EHMT2: variants seen among roughly 807,000 people sequenced by gnomAD.
The protein encoded by EHMT2 is euchromatic histone lysine methyltransferase 2.
Under a neutral mutation model 143.3 loss-of-function variants are expected in EHMT2, and 59 were observed. The ratio of observed to expected loss-of-function variants is 0.41; its 90% CI spans 0.33 to 0.51. The LOEUF is 0.51. Among genes scored for constraint, EHMT2 ranks in the 20% least tolerant of loss-of-function variants. The probability of loss-of-function intolerance (pLI) is 0.18; values close to 1 mark genes in which losing one functional copy is unlikely to be tolerated. For missense variants in EHMT2, 1,174 were observed against 1,645.9 expected (o/e 0.71, Z 4.96); for synonymous variants, 604 against 651.5 (o/e 0.93, Z 1.11).
At position 31,888,890 on chromosome 6, in the gene EHMT2, C is replaced by T. The variant is rs189991980; in HGVS notation, c.1216+79G>A. On this transcript the variant is annotated intron_variant, in intron 10 of 27. Coordinates refer to ENST00000375537, the Ensembl canonical transcript of EHMT2. The surrounding 1 kb of genome is among the most constrained non-coding windows in gnomAD (Gnocchi z 7.4). ...CTGGCCATGGACACCCCGGCTCTGG[C>T]GTGGTTCCCCTCCTTCCCTTTCCCT... 6.7e-6 allele frequency: 10 copies of T among 1,497,984 alleles called. No individual in the cohort carries two copies. The highest frequency in any genetic ancestry group is 2.8e-5 in the African/African-American group (2 of 72,306). 92.8% of individuals were successfully genotyped at this position (1,497,984 alleles called of 1,614,324 possible). A position where few individuals can be genotyped will look rare whatever the true frequency, so the allele number is the denominator to read the frequency against.
chr6:31,890,647 C>G (rs1164918183), intron 7 of EHMT2, among the ~76,000 whole-genome samples: 2 of 150,572 alleles, frequency 1.3e-5, no homozygotes, highest in African/African-American at 4.9e-5. Flanking sequence ...GGGCAGATCA[C>G]GAGATCAGGA....
At chr6:31,882,609 C>T in intron 25 of EHMT2, 90 bp downstream of exon 25, 1 of 1,274,234 alleles carries the variant, frequency 7.8e-7, no homozygotes, top group South Asian at 1.3e-5. Context: ...TGTGACTCAT[C>T]AGGGCAGATG....
rs1422526480 is a variant in EHMT2 at position 31,880,957 on chromosome 6, G to A, written c.3276+57C>T. 2.5e-6 allele frequency: 4 copies of A among 1,609,848 alleles called. No individual in the cohort carries two copies. The African/African-American group carries it at 5.3e-5, about 22-fold the overall frequency. ...CAGGTTTCCATTTGCTGACTTCCCA[G>A]AGGCTCCTGAAAGCCAGCCCTGGGG... On this transcript the variant is annotated intron_variant, in intron 26 of 27. Coordinates refer to ENST00000375537, the Ensembl canonical transcript of EHMT2. The surrounding 1 kb of genome is among the most constrained non-coding windows in gnomAD (Gnocchi z 6.6).
Position 31,884,174 on chromosome 6 carries a change from A to G in EHMT2, c.2771+218T>C, listed in dbSNP as rs1339861741. On this transcript the variant is annotated intron_variant, in intron 21 of 27. Coordinates refer to ENST00000375537, the Ensembl canonical transcript of EHMT2. This position sits in a 1 kb window ranked among gnomAD's most constrained non-coding sequence, Gnocchi z 7.3. ...CAGGACATTCTCACACTAAAAAAGTATGCATCTGTGCATCTGAAATTCCAG... is the reference window on the plus strand; with the variant it reads ...CAGGACATTCTCACACTAAAAAAGTGTGCATCTGTGCATCTGAAATTCCAG... 2.8e-6 allele frequency: 2 copies of G among 702,242 alleles called. No individual in the cohort carries two copies. Among genetic ancestry groups the G allele is most frequent in the Admixed American group, 3.0e-5 (1 of 33,830 alleles). The allele number at this position is 702,242 out of a possible 1,614,324, so 43.5% of individuals were successfully genotyped here.
At chr6:31,896,168 T>C in intron 4 of EHMT2, 95 bp downstream of exon 4, 1 of 1,501,636 alleles carries the variant, frequency 6.7e-7, no homozygotes, top group Non-Finnish European at 8.9e-7. Flanking sequence ...CTTAAATATG[T>C]GAATGAGTAA....
rs1204631606 is a variant in EHMT2 at position 31,883,186 on chromosome 6, C to T, written c.2994+176G>A. ...TCCCTGGTTTGCATAGACCTGGGCACACGCCCATCGCTGTCCCAGCCACAT... is the reference window on the plus strand; with the variant it reads ...TCCCTGGTTTGCATAGACCTGGGCATACGCCCATCGCTGTCCCAGCCACAT... On this transcript the variant is annotated intron_variant, in intron 23 of 27. Coordinates refer to ENST00000375537, the Ensembl canonical transcript of EHMT2. The surrounding 1 kb of genome is among the most constrained non-coding windows in gnomAD (Gnocchi z 5.6). The T allele has an allele frequency of 7.0e-6, 6 of 853,912 alleles. No individual in the cohort carries two copies. The highest frequency in any genetic ancestry group is 1.1e-5 in the Non-Finnish European group (6 of 533,670). 52.9% of individuals were successfully genotyped at this position (853,912 alleles called of 1,614,324 possible).
Position 31,889,414 on chromosome 6 carries a change from C to T in EHMT2, c.999+54G>A, listed in dbSNP as rs1389469479. ...CCCCCCCAACACCTTCAGGACCAGA[C>T]CTCCAGCCCCATAGTCTCCCACTCC... On this transcript the variant is annotated intron_variant, in intron 8 of 27. Transcript: ENST00000375537. This position sits in a 1 kb window ranked among gnomAD's most constrained non-coding sequence, Gnocchi z 5.1. 1.4e-5 allele frequency: 23 copies of T among 1,608,318 alleles called. No homozygotes were observed. Among genetic ancestry groups the T allele is most frequent in the South Asian group, 1.3e-4 (12 of 90,600 alleles).
chr6:31,887,156 A>AG, intron 15 of EHMT2, 55 bp from the exon 16 acceptor site: 2 of 1,462,990 alleles, frequency 1.4e-6, no homozygotes, highest in Non-Finnish European at 1.9e-6. Context: ...TAAGCAAGCT[A>AG]GGGGGCAGGT....
intron 2 of EHMT2, 25 bp from the exon 3 acceptor site, chr6:31,896,849 G>C: frequency 6.2e-7 from 1 of 1,612,616 alleles, no homozygotes; most frequent in Non-Finnish European, 8.5e-7. Context: ...AAAAAGTTCA[G>C]AGCTAAGGGC....
chr6:31,880,179 C>T lies in EHMT2; in HGVS notation c.3538G>A (p.Glu1180Lys). 1 of 1,613,018 alleles carries T rather than the reference C, an allele frequency of 6.2e-7. No homozygotes were observed. Among genetic ancestry groups the T allele is most frequent in the Non-Finnish European group, 8.5e-7 (1 of 1,180,022 alleles). Residue 1180 changes from glutamate (E) to lysine (K), a missense_variant, in exon 28 of 28, where the codon GAA becomes AAA. By Grantham distance (56) the Glu-to-Lys change is moderately conservative. Coordinates refer to ENST00000375537, the Ensembl canonical transcript of EHMT2. The surrounding 1 kb of genome is among the most constrained non-coding windows in gnomAD (Gnocchi z 6.6). ...CGGCTCTGCTCCAGGGCAATGGCTT[C>T]GGCTGAGTGCTTGCACTTCTCAGAG... is the stretch of plus-strand genomic sequence containing the variant.
intron 7 of EHMT2, 77 bp downstream of exon 7, chr6:31,892,328 CAG>C (rs1765794443): frequency 2.7e-6 from 4 of 1,501,950 alleles, no homozygotes; most frequent in Non-Finnish European, 3.6e-6. Flanking sequence ...AGCAGAAAAA[CAG>C]GGAACAAGGA....
chr6:31,884,014 T>A lies in EHMT2; in HGVS notation c.2772-64A>T. On this transcript the variant is annotated intron_variant, in intron 21 of 27. Transcript: ENST00000375537. The surrounding 1 kb of genome is among the most constrained non-coding windows in gnomAD (Gnocchi z 7.3). ...AGGGGGTGAGGAGCTACTCCAGGTA[T>A]AAGGAAGAGAGTTGGGGAGGTTCCT... The A allele has an allele frequency of 6.3e-7, 1 of 1,575,310 alleles. No individual in the cohort carries two copies. Among genetic ancestry groups the A allele is most frequent in the Non-Finnish European group, 8.6e-7 (1 of 1,158,294 alleles).
At chr6:31,892,466 C>T in exon 7 of EHMT2, 1 of 1,613,040 alleles carries the variant, frequency 6.2e-7, no homozygotes, top group Non-Finnish European at 8.5e-7. Flanking sequence ...AGACTGAAGT[C>T]ATCACCCACC....
Position 31,880,773 on chromosome 6 carries a change from T to C in EHMT2, c.3352A>G (p.Asn1118Asp). The stretch of plus-strand genomic sequence containing the variant: ...ATGAAGACCCGGACGGGAATGATGT[T>C]GGGGTCACACAGGTGGTTGATGAAG... The change falls in exon 27 of 28, where the codon AAC (asparagine) becomes GAC (aspartate). Residue 1118 changes from asparagine (N) to aspartate (D), a missense_variant. By Grantham distance (23) the Asn-to-Asp change is conservative. This residue lies in a region of EHMT2 where 44 missense variants were observed against 113.5 expected (regional missense o/e 0.39). Coordinates refer to ENST00000375537, the Ensembl canonical transcript of EHMT2. This position sits in a 1 kb window ranked among gnomAD's most constrained non-coding sequence, Gnocchi z 6.6. 1 of 1,613,890 alleles carries C rather than the reference T, an allele frequency of 6.2e-7. No homozygotes were observed. Among genetic ancestry groups the C allele is most frequent in the Non-Finnish European group, 8.5e-7 (1 of 1,180,000 alleles).
At chr6:31,886,334 T>A in intron 18 of EHMT2, 5 of 524,466 alleles carry the variant, frequency 9.5e-6, no homozygotes, top group East Asian at 3.0e-5. Flanking sequence ...AACCCAAGAG[T>A]TAATAAAAAG....
In EHMT2 at chr6:31,896,920, C is replaced by T. The variant is rs1195387356; in HGVS notation, c.109+3G>A. ...AATTGGGGCCCGTTTTAGCTGCACT[C>T]ACCTCTCTCGGTGGCTCCTCTGGTT... On this transcript the variant is annotated splice_donor_region_variant and intron_variant, in intron 2 of 27. Transcript: ENST00000375537. 1.0e-5 allele frequency: 16 copies of T among 1,604,382 alleles called. No individual in the cohort carries two copies. The highest frequency in any genetic ancestry group is 1.3e-5 in the Non-Finnish European group (15 of 1,176,764).
In EHMT2 at chr6:31,883,050, C is replaced by T; in HGVS notation, c.2995-41G>A. On this transcript the variant is annotated intron_variant, in intron 23 of 27. Transcript: ENST00000375537. The surrounding 1 kb of genome is among the most constrained non-coding windows in gnomAD (Gnocchi z 5.6). ...GAGGATAGTGGTTTCTCTGTGGGGC[C>T]CACCTCAGCTGCCCACCCAGGAACC... 6.4e-7 allele frequency: 1 copy of T among 1,570,252 alleles called. No individual in the cohort carries two copies. The highest frequency in any genetic ancestry group is 1.7e-5 in the Admixed American group (1 of 58,154).
intron 2 of EHMT2, 37 bp downstream of exon 2, chr6:31,896,886 T>C (rs1339676968): frequency 5.0e-6 from 8 of 1,611,114 alleles, no homozygotes; most frequent in Non-Finnish European, 6.8e-6. Flanking sequence ...TTAGGGAAGG[T>C]GACGGTCCAA....
exon 7 of EHMT2, chr6:31,892,463 A>C (rs1459607369): frequency 6.2e-7 from 1 of 1,612,994 alleles, no homozygotes; most frequent in South Asian, 1.1e-5. Context: ...TAGAGACTGA[A>C]GTCATCACCC....
Sources: allele counts gnomAD v4.1 joint callset (sites outside exome capture counted in the v4.1 genomes callset), GRCh38; gene constraint gnomAD v4.1.1; regional missense constraint gnomAD v4.1.1; non-coding constraint Gnocchi (gnomAD v3.1); transcripts MANE v1.5; gene names NCBI Gene and HGNC (gene_info 2026-07-23, HGNC 2026-07-21).